The following RSF1 variants were observed in gnomAD, a reference collection of about 807,000 sequenced individuals.
RSF1 encodes HBV pX-associated protein 8.
A neutral mutation model predicts 145.2 loss-of-function variants in RSF1; 13 were observed. The ratio of observed to expected loss-of-function variants is 0.09; its 90% CI spans 0.06 to 0.14. The LOEUF is 0.14. RSF1 is among the 10% of genes least tolerant of loss of function. RSF1 has a pLI of 1.00. For missense variants in RSF1, 1,517 were observed against 1,718.2 expected (o/e 0.88, Z 2.07); for synonymous variants, 577 against 592.6 (o/e 0.97, Z 0.38).
At chr11:77,719,483 A>G (rs1960895000) in intron 5 of RSF1, among the ~76,000 whole-genome samples, 1 of 152,248 alleles carries the variant, frequency 6.6e-6, no homozygotes, top group South Asian at 2.1e-4. Flanking sequence ...TGTAAATCTC[A>G]CGTAAATAGA....
intron 15 of RSF1, among the ~76,000 whole-genome samples, chr11:77,669,875 C>T (rs1959474055): frequency 6.6e-6 from 1 of 152,188 alleles, no homozygotes; most frequent in African/African-American, 2.4e-5. Context: ...CACCTGTAAT[C>T]CTAACACTGT....
intron 4 of RSF1, among the ~76,000 whole-genome samples, chr11:77,737,617 GGGGGGTGTGTGTGTGTGT>G (rs973183706): frequency 8.9e-6 from 1 of 112,852 alleles, no homozygotes; most frequent in African/African-American, 3.4e-5. Context: ...TATGTGTTTT[GGGGGGTGTGTGTGTGTGT>G]GTGTGTGTGT....
chr11:77,802,535 C>G (rs1948635962), intron 1 of RSF1, among the ~76,000 whole-genome samples: 3 of 151,944 alleles, frequency 2.0e-5, no homozygotes, highest in South Asian at 2.1e-4. Flanking sequence ...AATACTGAAA[C>G]CATTTAATTA....
At chr11:77,668,150 C>A (rs1959420334) in intron 15 of RSF1, among the ~76,000 whole-genome samples, 1 of 151,850 alleles carries the variant, frequency 6.6e-6, no homozygotes, top group Admixed American at 6.6e-5. Context: ...GGTGTGTGTG[C>A]CGCCACACCC....
intron 5 of RSF1, among the ~76,000 whole-genome samples, chr11:77,706,570 C>G (rs1000722555): frequency 6.6e-6 from 1 of 152,214 alleles, no homozygotes; most frequent in African/African-American, 2.4e-5. Context: ...TTCAGTTTCC[C>G]AAAGCTGCCA....
chr11:77,664,210 A>C lies in RSF1; in HGVS notation c.*2707T>G, dbSNP rs1959306394. The C allele has an allele frequency of 6.6e-6, 1 of 152,206 alleles. No individual in the cohort carries two copies. The highest frequency in any genetic ancestry group is 6.6e-5 in the Admixed American group (1 of 15,260). The allele number at this position is 152,206 out of a possible 1,614,324, so 9.4% of individuals were successfully genotyped here. A position where few individuals can be genotyped will look rare whatever the true frequency, so the allele number is the denominator to read the frequency against. ...GCAAAACCGTTTTTGCACTGCTCAAAATTTAATAATCAATAATCTATCTGC... is the reference window on the plus strand; with the variant it reads ...GCAAAACCGTTTTTGCACTGCTCAACATTTAATAATCAATAATCTATCTGC... On this transcript the variant is annotated 3_prime_UTR_variant, in exon 16 of 16. Coordinates refer to ENST00000308488, the MANE Select transcript of RSF1 (RefSeq NM_016578.4).
At position 77,701,450 on chromosome 11, in the gene RSF1, C is replaced by T; in HGVS notation, c.1779G>A (p.Lys593=). ...ECLEKLEKSK[K]TFLDKDAQRL... is the part of the protein sequence containing the mutation. ...TTTGTGCGTCCTTATCAAGAAAAGT[C>T]TTTTTGGACTTCTCTAACTTTTCAA... The change falls in exon 6 of 16, where the codon AAG becomes AAA. Residue 593 remains lysine (K), a synonymous_variant. Coordinates refer to ENST00000308488, the MANE Select transcript of RSF1 (RefSeq NM_016578.4). The T allele has an allele frequency of 6.2e-7, 1 of 1,614,092 alleles. No homozygotes were observed. The highest frequency in any genetic ancestry group is 8.5e-7 in the Non-Finnish European group (1 of 1,179,994).
rs1405276524 is a variant in RSF1 at position 77,671,148 on chromosome 11, T to A, written c.3751+894A>T. On this transcript the variant is annotated intron_variant, in intron 15 of 15. Coordinates refer to ENST00000308488, the MANE Select transcript of RSF1 (RefSeq NM_016578.4). ...AAAAAAAAAAAAAAAAATATATATA[T>A]ATATATATATATATATATATATATA... 1.5e-3 allele frequency among the ~76,000 whole-genome samples: 59 copies of A among 39,256 alleles called. 1 individual carries two copies. The highest frequency in any genetic ancestry group is 2.6e-3 in the East Asian group (2 of 768). 25.8% of individuals were successfully genotyped at this position (39,256 alleles called of 152,430 possible). A position where few individuals can be genotyped will look rare whatever the true frequency, so the allele number is the denominator to read the frequency against.
At chr11:77,728,602 A>G (rs1052126944) in intron 4 of RSF1, among the ~76,000 whole-genome samples, 29 of 151,308 alleles carry the variant, frequency 1.9e-4, no homozygotes, top group Non-Finnish European at 3.7e-4. Context: ...AAGGGAAGGG[A>G]AGGGAAGGGA....
chr11:77,828,125 A>C, the RSF1 span, among the ~76,000 whole-genome samples: 2 of 151,860 alleles, frequency 1.3e-5, no homozygotes, highest in African/African-American at 4.8e-5. Flanking sequence ...AATACAAAAA[A>C]CTAGCTGGGC....
intron 4 of RSF1, among the ~76,000 whole-genome samples, chr11:77,732,490 C>T (rs1027956305): frequency 2.0e-5 from 3 of 151,974 alleles, no homozygotes; most frequent in South Asian, 2.1e-4. Context: ...TAGGAGGGGC[C>T]GGGGCAGAAA....
chr11:77,727,525 G>A (rs1412538434), intron 4 of RSF1, among the ~76,000 whole-genome samples: 2 of 134,802 alleles, frequency 1.5e-5, no homozygotes, highest in African/African-American at 5.8e-5. Context: ...CACCCAGGCT[G>A]GAGTGCAATG....
At chr11:77,704,844 C>A (rs764365344) in intron 5 of RSF1, among the ~76,000 whole-genome samples, 8 of 151,492 alleles carry the variant, frequency 5.3e-5, no homozygotes, top group Non-Finnish European at 1.2e-4. Flanking sequence ...CCTCCGTCTC[C>A]TGGGTTCAAG....
At chr11:77,798,980 A>G (rs1431015462) in intron 1 of RSF1, among the ~76,000 whole-genome samples, 1 of 151,854 alleles carries the variant, frequency 6.6e-6, no homozygotes, top group African/African-American at 2.4e-5. Flanking sequence ...AAAAAAAGAA[A>G]AAAAAGAGCC....
At chr11:77,700,081 G>A (rs112299086) in intron 6 of RSF1, among the ~76,000 whole-genome samples, 14 of 152,144 alleles carry the variant, frequency 9.2e-5, no homozygotes, top group African/African-American at 2.2e-4. Flanking sequence ...GGCCAGGCAC[G>A]GTGGCTCACG....
Position 77,698,705 on chromosome 11 carries a change from TAAA to T in RSF1, c.2509-15_2509-13del, listed in dbSNP as rs747054563. The T allele has an allele frequency of 6.2e-7, 1 of 1,605,436 alleles. No homozygotes were observed. The highest frequency in any genetic ancestry group is 1.1e-5 in the South Asian group (1 of 90,574). ...CCTTTGGGTTTTACCTTGTATAAAA[TAAA>T]AAAAATTGGGATAATTTGATATAAG... On this transcript the variant is annotated splice_polypyrimidine_tract_variant and intron_variant, in intron 6 of 15. Transcript: ENST00000308488.
At chr11:77,725,502 A>G in intron 5 of RSF1, 43 bp downstream of exon 5, 1 of 1,448,308 alleles carries the variant, frequency 6.9e-7, no homozygotes, top group Non-Finnish European at 9.2e-7. Context: ...AGAATATGGA[A>G]GAGATTACAA....
chr11:77,817,482 C>G (rs983789612), intron 1 of RSF1, among the ~76,000 whole-genome samples: 2 of 152,190 alleles, frequency 1.3e-5, no homozygotes, highest in Non-Finnish European at 2.9e-5. Context: ...AGTAGCTCAC[C>G]TGGCAACCAG....
chr11:77,821,959 A>G (rs187787987), upstream of RSF1, among the ~76,000 whole-genome samples: 1 of 152,236 alleles, frequency 6.6e-6, no homozygotes, highest in East Asian at 1.9e-4. Context: ...ATACGGTATT[A>G]CTAGATAAAT....
Sources: gnomAD v4.1 joint callset for allele counts (sites outside exome capture counted in the v4.1 genomes callset) on GRCh38, gnomAD v4.1.1 for gene constraint, MANE v1.5 for transcripts, NCBI Gene and HGNC (gene_info 2026-07-23, HGNC 2026-07-21) for gene names.